Variants in LANCL1 observed in about 807,000 individuals in gnomAD.
LANCL1 encodes the protein glutathione S-transferase LANCL1.
A neutral mutation model predicts 50.6 loss-of-function variants in LANCL1; 50 were observed. The observed-to-expected ratio is 0.99, with a 90% CI of 0.79 to 1.25. LANCL1 has a LOEUF of 1.25. LANCL1 is among the 50% of genes most tolerant of loss of function. The pLI, the probability that LANCL1 is intolerant of heterozygous loss-of-function variation, is 0.00. For synonymous variants in LANCL1, 188 were observed against 178.6 expected, an observed-to-expected ratio of 1.05 and a Z score of -0.42; for missense variants, 532 against 480.7, an observed-to-expected ratio of 1.11 and a Z score of -1.00.
rs772523033 is a variant in LANCL1 at position 210,472,047 on chromosome 2, G to A, written c.111C>T (p.Thr37=). Residue 37 remains threonine (T), a synonymous_variant, in exon 3 of 10, where the codon ACC becomes ACT. Coordinates refer to ENST00000450366, the MANE Select transcript of LANCL1 (RefSeq NM_006055.3). ...GCTGAAGAAGCTCCCGAATCTTATT[G>A]GTCAAGCGTTGTGAGAACTCAGGAG... is the stretch of plus-strand genomic sequence containing the variant. ...RLTPEFSQRL[T]NKIRELLQQM... 2.5e-6 allele frequency: 4 copies of A among 1,614,004 alleles called. No individual in the cohort carries two copies. Among genetic ancestry groups the A allele is most frequent in the Non-Finnish European group, 3.4e-6 (4 of 1,179,924 alleles).
At chr2:210,463,839 C>G (rs1693954768) in intron 3 of LANCL1, among the ~76,000 whole-genome samples, 1 of 152,096 alleles carries the variant, frequency 6.6e-6, no homozygotes, top group Non-Finnish European at 1.5e-5. Flanking sequence ...ATTTTTACCT[C>G]TGCTGTGAAT....
At chr2:210,442,275 G>T (rs989012061) in intron 4 of LANCL1, among the ~76,000 whole-genome samples, 5 of 152,084 alleles carry the variant, frequency 3.3e-5, no homozygotes, top group Non-Finnish European at 7.4e-5. Context: ...CAGCCTTCTA[G>T]TTCTCCTCAG....
chr2:210,438,281 C>T (rs1450655624), intron 6 of LANCL1, among the ~76,000 whole-genome samples: 1 of 151,834 alleles, frequency 6.6e-6, no homozygotes, highest in Admixed American at 6.6e-5. Flanking sequence ...ATTACAGATG[C>T]CTGTCACCAC....
intron 2 of LANCL1, among the ~76,000 whole-genome samples, chr2:210,475,201 G>A (rs1459091017): frequency 3.3e-5 from 5 of 152,176 alleles, no homozygotes; most frequent in Non-Finnish European, 4.4e-5. Flanking sequence ...TAATTTGACA[G>A]GGATGAAATC....
At chr2:210,472,354 T>C (rs1474387162) in intron 2 of LANCL1, among the ~76,000 whole-genome samples, 6 of 152,206 alleles carry the variant, frequency 3.9e-5, no homozygotes, top group Non-Finnish European at 7.3e-5. Context: ...TTCCACCTAA[T>C]AGTAATCGTC....
At chr2:210,443,478 G>A (rs1693211664) in intron 4 of LANCL1, among the ~76,000 whole-genome samples, 1 of 152,142 alleles carries the variant, frequency 6.6e-6, no homozygotes, top group African/African-American at 2.4e-5. Context: ...GTAATGAGAC[G>A]ACATTAGCCC....
At chr2:210,446,678 G>A (rs1453872887) in intron 4 of LANCL1, among the ~76,000 whole-genome samples, 3 of 151,956 alleles carry the variant, frequency 2.0e-5, no homozygotes, top group Non-Finnish European at 4.4e-5. Flanking sequence ...TGATGGAGCT[G>A]AAAAACACAG....
Position 210,436,295 on chromosome 2 carries a change from C to T in LANCL1, c.971G>A (p.Gly324Asp), listed in dbSNP as rs1692929974. The change falls in exon 8 of 10, where the codon GGT (glycine) becomes GAT (aspartate). Residue 324 changes from glycine to aspartate, a missense_variant. By Grantham distance (94) the Gly-to-Asp change is moderately conservative. Transcript: ENST00000450366. Reference protein sequence around the residue: ...LLKKGYGLCHGSAGNAYAFLT... With the variant: ...LLKKGYGLCHDSAGNAYAFLT... The stretch of plus-strand genomic sequence containing the variant: ...GAAGGCATAGGCATTCCCTGCAGAA[C>T]CGTGGCACAGCCCATATCCCTTCTT... The T allele has an allele frequency of 6.2e-7, 1 of 1,614,064 alleles. No individual in the cohort carries two copies. The highest frequency in any genetic ancestry group is 8.5e-7 in the Non-Finnish European group (1 of 1,179,962).
At chr2:210,476,131 C>T (rs1256774951) in intron 2 of LANCL1, among the ~76,000 whole-genome samples, 185 bp downstream of exon 2, 13 of 152,142 alleles carry the variant, frequency 8.5e-5, no homozygotes, top group Admixed American at 7.9e-4. Flanking sequence ...AACAATGACA[C>T]ATTTAACATT....
chr2:210,467,047 T>C (rs2105923019), intron 3 of LANCL1, among the ~76,000 whole-genome samples: 1 of 152,158 alleles, frequency 6.6e-6, no homozygotes, highest in East Asian at 1.9e-4. Flanking sequence ...AGAAAGCAAC[T>C]TGATGAAGAT....
rs1366942421 is a variant in LANCL1, at chr2:210,476,696, A to T, written c.-93T>A. ...AGCAAGTGCGCCTCCCGCGTCCTGA[A>T]GCCCTTCTCGGCCCTGGCCTCTCAC... On this transcript the variant is annotated 5_prime_UTR_variant, in exon 1 of 10. Coordinates refer to ENST00000450366, the MANE Select transcript of LANCL1 (RefSeq NM_006055.3). The T allele has an allele frequency of 1.1e-5, 13 of 1,189,742 alleles. No individual in the cohort carries two copies. The highest frequency in any genetic ancestry group is 4.7e-5 in the African/African-American group (3 of 63,632). 73.7% of individuals were successfully genotyped at this position (1,189,742 alleles called of 1,614,324 possible).
At chr2:210,434,705 C>T (rs1692862729) in intron 9 of LANCL1, 142 bp from the exon 10 acceptor site, 1 of 657,306 alleles carries the variant, frequency 1.5e-6, no homozygotes, top group Non-Finnish European at 2.6e-6. Context: ...ACAAAGGGTG[C>T]CCACCAGTGA....
chr2:210,457,951 T>C (rs1487063950), intron 3 of LANCL1, among the ~76,000 whole-genome samples: 1 of 152,208 alleles, frequency 6.6e-6, no homozygotes, highest in Non-Finnish European at 1.5e-5. Context: ...GGTATGGCTA[T>C]GTGGCGAAGT....
intron 4 of LANCL1, among the ~76,000 whole-genome samples, chr2:210,453,399 A>G (rs1350224204): frequency 6.6e-6 from 1 of 152,188 alleles, no homozygotes; most frequent in East Asian, 1.9e-4. Context: ...TGCTCCCTAG[A>G]GTTGGCGTGT....
In LANCL1 at chr2:210,470,268, TTTTAAC is replaced by T. The variant is rs531634570; in HGVS notation, c.199+1685_199+1690del. On this transcript the variant is annotated intron_variant, in intron 3 of 9. Coordinates refer to ENST00000450366, the MANE Select transcript of LANCL1 (RefSeq NM_006055.3). ...ACAAAATCCTGTCATTTCATTCTCA[TTTTAAC>T]TTTGTGTTAAGCTTCTACAATCCAT... Among the ~76,000 whole-genome samples, 318 of 152,326 alleles carry T rather than the reference TTTTAAC, an allele frequency of 2.1e-3. 1 individual carries two copies. The Middle Eastern group carries it at 0.048, about 23-fold the overall frequency.
At chr2:210,452,069 G>A (rs754120154) in intron 4 of LANCL1, among the ~76,000 whole-genome samples, 1 of 152,060 alleles carries the variant, frequency 6.6e-6, no homozygotes, top group Non-Finnish European at 1.5e-5. Flanking sequence ...GTTTCTGTTG[G>A]AGTAATAAAA....
chr2:210,457,665 T>C (rs887422675), intron 3 of LANCL1, among the ~76,000 whole-genome samples: 6 of 152,214 alleles, frequency 3.9e-5, no homozygotes, highest in African/African-American at 2.4e-5. Context: ...ACCAGTCCTC[T>C]GGTTTACTGT....
intron 4 of LANCL1, among the ~76,000 whole-genome samples, chr2:210,452,792 A>C (rs1252318134): frequency 6.6e-6 from 1 of 152,184 alleles, no homozygotes; most frequent in African/African-American, 2.4e-5. Context: ...AGAACATTAC[A>C]TTAAGAAAAT....
chr2:210,458,746 A>G (rs1025615421), intron 3 of LANCL1, among the ~76,000 whole-genome samples: 13 of 152,180 alleles, frequency 8.5e-5, no homozygotes, highest in African/African-American at 3.1e-4. Flanking sequence ...CAGGTTTGGG[A>G]GGAAAGAGTA....
Sources: allele counts gnomAD v4.1 joint callset (sites outside exome capture counted in the v4.1 genomes callset), GRCh38; gene constraint gnomAD v4.1.1; transcripts MANE v1.5; gene names NCBI Gene and HGNC (gene_info 2026-07-23, HGNC 2026-07-21).